Variants in LMBR1 observed in about 807,000 individuals in gnomAD.
LMBR1 encodes limb region 1 protein homolog.
Under a neutral mutation model 73.9 loss-of-function variants are expected in LMBR1, and 52 were observed. The ratio of observed to expected loss-of-function variants is 0.70; its 90% CI spans 0.56 to 0.89. The LOEUF is 0.89. Ranked by LOEUF, LMBR1 falls within the 40% of genes least tolerant of loss-of-function variation. The pLI, the probability that LMBR1 is intolerant of heterozygous loss-of-function variation, is 0.00. For missense variants in LMBR1, 539 were observed against 579.8 expected, an observed-to-expected ratio of 0.93 and a Z score of 0.72; for synonymous variants, 215 against 209.4, an observed-to-expected ratio of 1.03 and a Z score of -0.23.
chr7:156,875,700 G>T (rs553586522), intron 1 of LMBR1, among the ~76,000 whole-genome samples: 40 of 152,182 alleles, frequency 2.6e-4, no homozygotes, highest in African/African-American at 9.4e-4. Flanking sequence ...CAAAAATTTT[G>T]TATCCAGTGA....
chr7:156,690,085 C>T (rs1010013788), intron 15 of LMBR1, among the ~76,000 whole-genome samples: 29 of 152,172 alleles, frequency 1.9e-4, no homozygotes, highest in African/African-American at 7.0e-4. Flanking sequence ...ACGGAGGACA[C>T]GGGAGATCCC....
At chr7:156,806,784 A>G (rs1832205295) in intron 4 of LMBR1, among the ~76,000 whole-genome samples, 1 of 151,372 alleles carries the variant, frequency 6.6e-6, no homozygotes, top group Non-Finnish European at 1.5e-5. Flanking sequence ...GTTAAGTTTT[A>G]TATTTTTAGT....
Position 156,725,482 on chromosome 7 carries a change from A to C in LMBR1, c.1111T>G (p.Phe371Val), listed in dbSNP as rs886062120. 1 of 1,611,174 alleles carries C rather than the reference A, an allele frequency of 6.2e-7. No individual in the cohort carries two copies. Among genetic ancestry groups the C allele is most frequent in the Admixed American group, 1.7e-5 (1 of 59,672 alleles). The change falls in exon 14 of 17, where the codon TTT becomes GTT. Residue 371 changes from phenylalanine to valine, a missense_variant. By Grantham distance (50) the Phe-to-Val change is conservative. Coordinates refer to ENST00000353442, the MANE Select transcript of LMBR1 (RefSeq NM_022458.4). The stretch of plus-strand genomic sequence containing the variant: ...TTCTTGGGAGTAAAGTTTCCAAAAA[A>C]TCGAAGGCTATAGAAGCCGACAACA... The part of the protein sequence containing the change: ...SSVVGFYSLR[F>V]FGNFTPKKDD...
chr7:156,868,407 G>A (rs1798784481), intron 1 of LMBR1, among the ~76,000 whole-genome samples: 1 of 152,096 alleles, frequency 6.6e-6, no homozygotes, highest in Admixed American at 6.6e-5. Flanking sequence ...CGGGCACGGT[G>A]GCTCACGCCT....
At chr7:156,782,787 C>G (rs1252386931) in intron 5 of LMBR1, among the ~76,000 whole-genome samples, 1 of 152,192 alleles carries the variant, frequency 6.6e-6, no homozygotes, top group African/African-American at 2.4e-5. Context: ...TCAAGTGATC[C>G]TCCTGCCTCA....
At chr7:156,716,551 C>T (rs776037849) in intron 15 of LMBR1, among the ~76,000 whole-genome samples, 1 of 152,156 alleles carries the variant, frequency 6.6e-6, no homozygotes, top group Non-Finnish European at 1.5e-5. Context: ...TAACTGGCTG[C>T]GATCTTCCTG....
intron 10 of LMBR1, among the ~76,000 whole-genome samples, chr7:156,733,353 T>C (rs1817230157): frequency 6.6e-6 from 1 of 152,074 alleles, no homozygotes; most frequent in East Asian, 1.9e-4. Context: ...ATGTTAGAAG[T>C]AGCAGACAAA....
intron 15 of LMBR1, among the ~76,000 whole-genome samples, chr7:156,712,067 G>A (rs1022403305): frequency 6.6e-6 from 1 of 152,162 alleles, no homozygotes; most frequent in Admixed American, 6.5e-5. Flanking sequence ...ATAACCTGCA[G>A]AATGGGAGAA....
At chr7:156,881,108 G>A (rs529577827) in intron 1 of LMBR1, among the ~76,000 whole-genome samples, 2 of 152,172 alleles carry the variant, frequency 1.3e-5, no homozygotes, top group African/African-American at 2.4e-5. Flanking sequence ...CACAAAGCTA[G>A]TTATCAAAAT....
At chr7:156,773,069 A>C (rs887408561) in intron 5 of LMBR1, among the ~76,000 whole-genome samples, 4 of 152,144 alleles carry the variant, frequency 2.6e-5, no homozygotes, top group African/African-American at 9.7e-5. Context: ...GACCAATAAC[A>C]TCCAAGAATG....
intron 9 of LMBR1, among the ~76,000 whole-genome samples, chr7:156,738,343 C>G (rs890907203): frequency 6.6e-6 from 1 of 152,192 alleles, no homozygotes; most frequent in African/African-American, 2.4e-5. Context: ...TTGAGCTTCT[C>G]AGCAAGCCTC....
intron 9 of LMBR1, among the ~76,000 whole-genome samples, chr7:156,752,122 A>G (rs1278026161): frequency 6.6e-6 from 1 of 152,210 alleles, no homozygotes; most frequent in Non-Finnish European, 1.5e-5. Context: ...TGAACTGAAA[A>G]CCAAGTGGAA....
At chr7:156,883,620 T>C (rs191857818) in intron 1 of LMBR1, among the ~76,000 whole-genome samples, 3 of 152,208 alleles carry the variant, frequency 2.0e-5, no homozygotes, top group African/African-American at 7.2e-5. Context: ...ACAAATTTAT[T>C]GAGTTTCACT....
Position 156,763,117 on chromosome 7 carries a change from A to G in LMBR1, c.610T>C (p.Leu204=). The G allele has an allele frequency of 7.2e-7, 1 of 1,392,180 alleles. No individual in the cohort carries two copies. Among genetic ancestry groups the G allele is most frequent in the Non-Finnish European group, 1.0e-6 (1 of 995,844 alleles). 86.2% of individuals were successfully genotyped at this position (1,392,180 alleles called of 1,614,324 possible). ...TCTGAAAAATACTTACAGAGAAGTA[A>G]CAAACATCCCATCAATGATATACAG... The part of the protein sequence containing the change: ...YSCISLMGCL[L]LLLCTPVGLS... The change falls in exon 7 of 17, where the codon TTA becomes CTA. Residue 204 remains leucine, a synonymous_variant. Transcript: ENST00000353442.
chr7:156,694,010 A>G (rs1465407360), intron 15 of LMBR1, among the ~76,000 whole-genome samples: 1 of 152,234 alleles, frequency 6.6e-6, no homozygotes, highest in Non-Finnish European at 1.5e-5. Flanking sequence ...AAGGTCAATC[A>G]ATGTGATATA....
At chr7:156,782,682 T>C (rs1315748705) in intron 5 of LMBR1, among the ~76,000 whole-genome samples, 1 of 152,124 alleles carries the variant, frequency 6.6e-6, no homozygotes, top group Non-Finnish European at 1.5e-5. Context: ...GTAGCTGGGA[T>C]TACAGGCACA....
At chr7:156,697,340 T>C (rs1048119805) in intron 15 of LMBR1, among the ~76,000 whole-genome samples, 1 of 152,196 alleles carries the variant, frequency 6.6e-6, no homozygotes, top group Admixed American at 6.5e-5. Flanking sequence ...GCGGTGCACA[T>C]ATTGTCTTGA....
chr7:156,804,091 T>G (rs1490390056), intron 4 of LMBR1, among the ~76,000 whole-genome samples: 2 of 151,980 alleles, frequency 1.3e-5, no homozygotes, highest in Non-Finnish European at 2.9e-5. Flanking sequence ...CATGTATACA[T>G]ATGTAACAAG....
Position 156,774,827 on chromosome 7 carries a change from C to T in LMBR1, c.424-11032G>A, listed in dbSNP as rs906440159. Among the ~76,000 whole-genome samples the T allele has an allele frequency of 4.0e-5, 6 of 151,720 alleles. No homozygotes were observed. In the East Asian group the frequency reaches 1.2e-3, roughly 29 times the overall value. On this transcript the variant is annotated intron_variant, in intron 5 of 16. Coordinates refer to ENST00000353442, the MANE Select transcript of LMBR1 (RefSeq NM_022458.4). Reference sequence around the variant, plus strand: ...AGCCTGGGTGACAAGAGCGAGACTCCATCTCAAAAAAAAGGAATGAGATCA... The same window carrying T: ...AGCCTGGGTGACAAGAGCGAGACTCTATCTCAAAAAAAAGGAATGAGATCA...
Sources: allele counts gnomAD v4.1 joint callset (sites outside exome capture counted in the v4.1 genomes callset), GRCh38; gene constraint gnomAD v4.1.1; transcripts MANE v1.5; gene names NCBI Gene and HGNC (gene_info 2026-07-23, HGNC 2026-07-21).